PCLO: variants seen among roughly 807,000 people sequenced by gnomAD.
PCLO encodes piccolo presynaptic cytomatrix protein.
In PCLO, 82 loss-of-function variants were observed where a neutral mutation model predicts 427.5. The ratio of observed to expected loss-of-function variants is 0.19; its 90% CI spans 0.16 to 0.23. The LOEUF (loss-of-function observed/expected upper bound fraction) is 0.23. Ranked by LOEUF, PCLO falls within the 10% of genes least tolerant of loss-of-function variation. The probability of loss-of-function intolerance (pLI) is 1.00; values close to 1 mark genes in which losing one functional copy is unlikely to be tolerated. For missense variants in PCLO, 6,239 were observed against 6,115.9 expected (o/e 1.02, Z -0.67); for synonymous variants, 2,357 against 2,155.4 (o/e 1.09, Z -2.59).
At chr7:82,809,457 T>C (rs1261983833) in intron 20 of PCLO, among the ~76,000 whole-genome samples, 1 of 151,700 alleles carries the variant, frequency 6.6e-6, no homozygotes, top group Non-Finnish European at 1.5e-5. Flanking sequence ...TTCCTCATTC[T>C]CCCATTCAGA....
At chr7:82,860,177 GA>G (rs1366268595) in intron 10 of PCLO, among the ~76,000 whole-genome samples, 3 of 152,058 alleles carry the variant, frequency 2.0e-5, no homozygotes, top group African/African-American at 7.2e-5. Flanking sequence ...TAATGACAGA[GA>G]ATGTCCCAAA....
Position 82,915,288 on chromosome 7 carries a change from C to T in PCLO, c.12698G>A (p.Arg4233Lys), listed in dbSNP as rs1239757423. The T allele has an allele frequency of 1.2e-6, 2 of 1,613,572 alleles. No homozygotes were observed. Among genetic ancestry groups the T allele is most frequent in the Admixed American group, 1.7e-5 (1 of 59,968 alleles). Reference sequence around the variant, plus strand: ...GATGTCATCTTGAAGGAGCCTTGCCCTGGAGGAAATGCCACCAATAGATGA... The same window carrying T: ...GATGTCATCTTGAAGGAGCCTTGCCTTGGAGGAAATGCCACCAATAGATGA... ...STSSIGGISS[R>K]ARLLQDDITF... is the part of the protein sequence containing the mutation. Residue 4233 changes from arginine to lysine, a missense_variant, in exon 7 of 25, where the codon AGG becomes AAG. Around this residue, in one of 5 missense-constraint regions of PCLO, gnomAD observed 680 missense variants for 677.3 expected, o/e 1.00. Coordinates refer to ENST00000333891, the MANE Select transcript of PCLO (RefSeq NM_033026.6).
intron 22 of PCLO, among the ~76,000 whole-genome samples, chr7:82,781,354 A>G (rs140219937): frequency 0.016 from 2,407 of 151,870 alleles, 29 homozygotes; most frequent in Middle Eastern, 0.031. Flanking sequence ...AAAACAGAGT[A>G]CATGTGCAGA....
chr7:83,058,962 C>T (rs769647775), intron 3 of PCLO, among the ~76,000 whole-genome samples: 1 of 151,988 alleles, frequency 6.6e-6, no homozygotes, highest in Non-Finnish European at 1.5e-5. Flanking sequence ...CCTCTCCCCC[C>T]TCCTTAAAAG....
chr7:83,133,812 T>C (rs1791636031), intron 3 of PCLO, among the ~76,000 whole-genome samples: 1 of 152,078 alleles, frequency 6.6e-6, no homozygotes, highest in African/African-American at 2.4e-5. Context: ...ACTTCTTTTA[T>C]TAATGTATTA....
At chr7:83,050,455 C>A (rs1233029852) in intron 3 of PCLO, among the ~76,000 whole-genome samples, 1 of 151,620 alleles carries the variant, frequency 6.6e-6, no homozygotes, top group Non-Finnish European at 1.5e-5. Context: ...CATTAACTAT[C>A]ATTTATACAC....
Position 82,953,423 on chromosome 7 carries a change from G to T in PCLO, c.7530C>A (p.Ile2510=), listed in dbSNP as rs762713019. ...THRPEPSKPP[I]APKPVIPQLP... is the part of the protein sequence containing the mutation. The stretch of plus-strand genomic sequence containing the variant: ...GCTGAGGAATCACTGGTTTGGGGGC[G>T]ATTGGAGGTTTGCTTGGCTCAGGCC... Residue 2510 remains isoleucine (I), a synonymous_variant, in exon 5 of 25, where the codon ATC becomes ATA. Transcript: ENST00000333891. 6.8e-6 allele frequency: 11 copies of T among 1,613,500 alleles called. No homozygotes were observed. The highest frequency in any genetic ancestry group is 1.3e-5 in the African/African-American group (1 of 74,810).
At chr7:83,087,878 C>T (rs1790278572) in intron 3 of PCLO, among the ~76,000 whole-genome samples, 1 of 152,062 alleles carries the variant, frequency 6.6e-6, no homozygotes, top group Non-Finnish European at 1.5e-5. Flanking sequence ...AATGTCACCA[C>T]AACTTCATAA....
At chr7:82,906,258 A>G (rs1794190489) in intron 8 of PCLO, among the ~76,000 whole-genome samples, 1 of 152,024 alleles carries the variant, frequency 6.6e-6, no homozygotes, top group Non-Finnish European at 1.5e-5. Context: ...TTGCATTAGT[A>G]TTATTGGTTT....
rs778108792 is a variant in PCLO, at chr7:82,794,459, C to CTTTTTTTTTTTTTTTTTTTTTT, written c.15007+7037_15007+7058dup. ...ACATGCTAGTTCATAAATTTTTTTT[C>CTTTTTTTTTTTTTTTTTTTTTT]TTTTTTTTTTTTTTTTTTTTTTTTT... is the stretch of plus-strand genomic sequence containing the variant. On this transcript the variant is annotated intron_variant, in intron 22 of 24. Coordinates refer to ENST00000333891, the MANE Select transcript of PCLO (RefSeq NM_033026.6). 1.2e-3 allele frequency among the ~76,000 whole-genome samples: 65 copies of CTTTTTTTTTTTTTTTTTTTTTT among 56,372 alleles called. 27 individuals carry two copies. Among genetic ancestry groups the CTTTTTTTTTTTTTTTTTTTTTT allele is most frequent in the East Asian group, 3.0e-3 (5 of 1,684 alleles). 37.0% of individuals were successfully genotyped at this position (56,372 alleles called of 152,430 possible).
At chr7:82,847,056 C>T (rs1792520567) in intron 11 of PCLO, 83 bp downstream of exon 11, 2 of 677,064 alleles carry the variant, frequency 3.0e-6, no homozygotes, top group South Asian at 1.8e-5. Context: ...TGCTAACTGG[C>T]AAAGGTTCCA....
intron 4 of PCLO, among the ~76,000 whole-genome samples, chr7:82,957,375 C>T (rs1795551015): frequency 6.6e-6 from 1 of 151,936 alleles, no homozygotes; most frequent in South Asian, 2.1e-4. Context: ...GGGCTTTGTG[C>T]CTGGCTGCAA....
chr7:83,009,011 G>A (rs1454645107), intron 3 of PCLO, among the ~76,000 whole-genome samples: 3 of 151,504 alleles, frequency 2.0e-5, no homozygotes, highest in Admixed American at 6.6e-5. Flanking sequence ...AATCTCTCCA[G>A]CAATTCTATA....
intron 3 of PCLO, among the ~76,000 whole-genome samples, chr7:83,013,431 G>A (rs936231451): frequency 6.6e-6 from 1 of 152,060 alleles, no homozygotes; most frequent in Non-Finnish European, 1.5e-5. Context: ...TAGTGATAAT[G>A]CCGTTTTCTT....
intron 7 of PCLO, among the ~76,000 whole-genome samples, chr7:82,912,599 A>G (rs1684024200): frequency 6.6e-6 from 1 of 152,014 alleles, no homozygotes; most frequent in Admixed American, 6.6e-5. Flanking sequence ...TAATTGCTTT[A>G]CTTCTTTGGT....
intron 3 of PCLO, among the ~76,000 whole-genome samples, chr7:82,976,347 C>T (rs1457853490): frequency 1.3e-5 from 2 of 152,138 alleles, no homozygotes; most frequent in Admixed American, 6.5e-5. Flanking sequence ...TCTTTCCTTC[C>T]TCTGCCTGCC....
intron 20 of PCLO, chr7:82,821,000 A>G: frequency 8.2e-7 from 1 of 1,222,756 alleles, no homozygotes; most frequent in Non-Finnish European, 1.0e-6. Flanking sequence ...ACAAAAGCAC[A>G]TTAAAAAGTG....
At chr7:83,071,214 C>T (rs1789808317) in intron 3 of PCLO, among the ~76,000 whole-genome samples, 1 of 152,128 alleles carries the variant, frequency 6.6e-6, no homozygotes, top group Non-Finnish European at 1.5e-5. Context: ...ACTCCCTATT[C>T]CTCTCTTCTC....
At chr7:83,059,056 T>C in intron 3 of PCLO, among the ~76,000 whole-genome samples, 1 of 151,542 alleles carries the variant, frequency 6.6e-6, no homozygotes, top group East Asian at 1.9e-4. Flanking sequence ...CAATCACCAA[T>C]AGTTTTATAA....
Sources: gnomAD v4.1 joint callset for allele counts (sites outside exome capture counted in the v4.1 genomes callset) on GRCh38, gnomAD v4.1.1 for gene constraint, gnomAD v4.1.1 regional missense constraint, MANE v1.5 for transcripts, NCBI Gene and HGNC (gene_info 2026-07-23, HGNC 2026-07-21) for gene names.